ANKRD36: variants seen among roughly 807,000 people sequenced by gnomAD.
ANKRD36 encodes ankyrin repeat domain-containing protein 36A.
Under a neutral mutation model 278.1 loss-of-function variants are expected in ANKRD36, and 179 were observed. The observed-to-expected ratio is 0.64, with a 90% CI of 0.57 to 0.73. The LOEUF (loss-of-function observed/expected upper bound fraction) is 0.73. ANKRD36 is among the 30% of genes least tolerant of loss of function. The pLI, the probability that ANKRD36 is intolerant of heterozygous loss-of-function variation, is 0.00. For missense variants in ANKRD36, 1,159 were observed against 1,956.7 expected, an observed-to-expected ratio of 0.59 and a Z score of 7.69; for synonymous variants, 320 against 641.1, an observed-to-expected ratio of 0.50 and a Z score of 7.57.
rs925198768 is a variant in ANKRD36, at chr2:97,208,982, G to C, written c.3266-699G>C. Among the ~76,000 whole-genome samples, 11 of 146,614 alleles carry C rather than the reference G, an allele frequency of 7.5e-5. 2 individuals are homozygous for C. Among genetic ancestry groups the C allele is most frequent in the African/African-American group, 2.4e-4 (9 of 37,696 alleles). The stretch of plus-strand genomic sequence containing the variant: ...TAGACGTATGTCAAAGTTGATAATT[G>C]ATGATATTTTTATTGAGGCTAATAT... On this transcript the variant is annotated intron_variant, in intron 54 of 75. Coordinates refer to ENST00000420699, the MANE Select transcript of ANKRD36 (RefSeq NM_001354587.1).
intron 67 of ANKRD36, among the ~76,000 whole-genome samples, chr2:97,226,435 G>A (rs2069658539): frequency 6.7e-6 from 1 of 149,986 alleles, no homozygotes; most frequent in South Asian, 2.2e-4. Flanking sequence ...TTTGAGAAGT[G>A]TCTGTTCATG....
intron 5 of ANKRD36, among the ~76,000 whole-genome samples, 165 bp from the exon 6 acceptor site, chr2:97,126,902 A>G (rs2038795138): frequency 1.3e-5 from 2 of 151,026 alleles, no homozygotes; most frequent in Admixed American, 1.3e-4. Flanking sequence ...TGTTTTTATT[A>G]TTTAATTAGA....
At chr2:97,120,887 G>A (rs2443932) in intron 3 of ANKRD36, among the ~76,000 whole-genome samples, 13 of 152,104 alleles carry the variant, frequency 8.5e-5, no homozygotes, top group East Asian at 3.9e-4. Flanking sequence ...CTGGATTCCA[G>A]GCTTCTCTTC....
intron 6 of ANKRD36, among the ~76,000 whole-genome samples, chr2:97,134,997 C>T (rs1419774294): frequency 6.6e-6 from 1 of 152,022 alleles, no homozygotes; most frequent in Non-Finnish European, 1.5e-5. Context: ...GCAAGCTTAC[C>T]GCATCTTCCC....
At chr2:97,240,855 CT>C (rs1410853219) in intron 68 of ANKRD36, among the ~76,000 whole-genome samples, 21 of 119,120 alleles carry the variant, frequency 1.8e-4, no homozygotes, top group Admixed American at 2.8e-4. Context: ...AGCCAGAGTG[CT>C]TTGCTTTCTT....
intron 42 of ANKRD36, among the ~76,000 whole-genome samples, chr2:97,197,832 A>G (rs2060208494): frequency 6.6e-6 from 1 of 151,896 alleles, no homozygotes; most frequent in Non-Finnish European, 1.5e-5. Flanking sequence ...AAATTTCGGA[A>G]GGCTAAAGTA....
intron 46 of ANKRD36, 84 bp from the exon 47 acceptor site, chr2:97,202,118 A>G: frequency 6.3e-7 from 1 of 1,591,078 alleles, no homozygotes. Context: ...AGGAGGACAG[A>G]GGTTGATTCT....
At chr2:97,209,273 G>C (rs1186640545) in intron 54 of ANKRD36, among the ~76,000 whole-genome samples, 1 of 146,414 alleles carries the variant, frequency 6.8e-6, no homozygotes, top group Non-Finnish European at 1.5e-5. Flanking sequence ...AATGTTTGTA[G>C]TATAATGGTG....
intron 1 of ANKRD36, among the ~76,000 whole-genome samples, chr2:97,114,275 G>A (rs2034555909): frequency 8.1e-6 from 1 of 123,502 alleles, no homozygotes; most frequent in Non-Finnish European, 1.7e-5. Context: ...ATGGGATAGA[G>A]GACTGGAGGT....
At position 97,205,944 on chromosome 2, in the gene ANKRD36, T is replaced by G. The variant is rs2062728445; in HGVS notation, c.3066T>G (p.Ser1022=). ...KKDGEKTRTV[S]SQKPPTLKAT... ...TGAATCACTTTTGCTTTTCAGTGTC[T>G]TCTCAGAAACCACCAACCTTGAAGG... The change falls in exon 51 of 76, where the codon TCT becomes TCG. Residue 1022 remains serine, a synonymous_variant. Transcript: ENST00000420699. The G allele has an allele frequency of 6.4e-7, 1 of 1,554,966 alleles. No individual in the cohort carries two copies. The highest frequency in any genetic ancestry group is 8.7e-7 in the Non-Finnish European group (1 of 1,154,720).
chr2:97,156,632 T>G (rs1285139558), intron 15 of ANKRD36, among the ~76,000 whole-genome samples: 1 of 137,328 alleles, frequency 7.3e-6, no homozygotes, highest in African/African-American at 2.6e-5. Context: ...GTTGGACATT[T>G]GGGTTGGTTC....
Position 97,179,906 on chromosome 2 carries a change from A to G in ANKRD36, c.1708A>G (p.Ile570Val). The change falls in exon 24 of 76, where the codon ATA (isoleucine) becomes GTA (valine). Residue 570 changes from isoleucine (I) to valine (V), a missense_variant. Coordinates refer to ENST00000420699, the MANE Select transcript of ANKRD36 (RefSeq NM_001354587.1). ...TTCTGTTTCAAATATAGCCACAGAAATAAAGGAGGGACCAATATCTGGGAC... is the reference window on the plus strand; with the variant it reads ...TTCTGTTTCAAATATAGCCACAGAAGTAAAGGAGGGACCAATATCTGGGAC... The part of the protein sequence containing the change: ...KDSVSNIATE[I>V]KEGPISGTVS... 6.2e-7 allele frequency: 1 copy of G among 1,606,064 alleles called. No individual in the cohort carries two copies. Among genetic ancestry groups the G allele is most frequent in the Non-Finnish European group, 8.5e-7 (1 of 1,178,338 alleles).
chr2:97,194,677 C>G, intron 38 of ANKRD36, 49 bp from the exon 39 acceptor site: 1 of 1,599,230 alleles, frequency 6.3e-7, no homozygotes, highest in Middle Eastern at 2.3e-4. Context: ...GTATGGATAA[C>G]TTTATCATAT....
chr2:97,137,789 G>C (rs1055960159), intron 6 of ANKRD36, among the ~76,000 whole-genome samples: 1 of 151,974 alleles, frequency 6.6e-6, no homozygotes, highest in African/African-American at 2.4e-5. Flanking sequence ...ACCTTTTAAC[G>C]ATTGCCATTC....
At position 97,189,221 on chromosome 2, in the gene ANKRD36, A is replaced by C; in HGVS notation, c.2176A>C (p.Thr726Pro). 4 of 756,906 alleles carry C rather than the reference A, an allele frequency of 5.3e-6. 2 individuals are homozygous for C. Among genetic ancestry groups the C allele is most frequent in the Non-Finnish European group, 9.0e-6 (4 of 446,578 alleles). The allele number at this position is 756,906 out of a possible 1,614,324, so 46.9% of individuals were successfully genotyped here. A position where few individuals can be genotyped will look rare whatever the true frequency, so the allele number is the denominator to read the frequency against. The change falls in exon 34 of 76, where the codon ACA (threonine) becomes CCA (proline). Residue 726 changes from threonine (T) to proline (P), a missense_variant. By Grantham distance (38) the Thr-to-Pro change is conservative. Coordinates refer to ENST00000420699, the MANE Select transcript of ANKRD36 (RefSeq NM_001354587.1). ...SSQKQPALKA[T>P]TDEEDSVSNI... is the part of the protein sequence containing the mutation. ...TTTTCTTTCAAATTCCATTAAGGCT[A>C]CAACTGACGAGGAAGATTCTGTTTC...
At chr2:97,166,942 G>A (rs983242259) in intron 20 of ANKRD36, among the ~76,000 whole-genome samples, 2 of 152,258 alleles carry the variant, frequency 1.3e-5, no homozygotes, top group Non-Finnish European at 1.5e-5. Context: ...TTGTTAAAAT[G>A]TAACTGTCGA....
chr2:97,200,651 T>C (rs2061103565), intron 46 of ANKRD36, 126 bp downstream of exon 46: 5 of 1,434,826 alleles, frequency 3.5e-6, no homozygotes, highest in Non-Finnish European at 4.7e-6. Flanking sequence ...ATTCTTCTTT[T>C]CTAACAAGTT....
At chr2:97,212,056 G>A (rs368215032) in intron 58 of ANKRD36, among the ~76,000 whole-genome samples, 2 of 151,872 alleles carry the variant, frequency 1.3e-5, no homozygotes, top group East Asian at 2.0e-4. Context: ...AGAGGGAAAA[G>A]AGAAAGAGAT....
intron 67 of ANKRD36, among the ~76,000 whole-genome samples, chr2:97,226,615 A>G (rs1406096809): frequency 1.3e-5 from 2 of 151,914 alleles, no homozygotes; most frequent in Non-Finnish European, 2.9e-5. Flanking sequence ...GCTGTGCAAA[A>G]TCTCTTCAGT....
Sources: gnomAD v4.1 joint callset for allele counts (sites outside exome capture counted in the v4.1 genomes callset) on GRCh38, gnomAD v4.1.1 for gene constraint, MANE v1.5 for transcripts, NCBI Gene and HGNC (gene_info 2026-07-23, HGNC 2026-07-21) for gene names.